The following HYCC1 variants were observed in gnomAD, a reference collection of about 807,000 sequenced individuals.
HYCC1 encodes the protein hyccin PI4KA lipid kinase complex subunit 1.
chr7:22,984,068 A>G, the HYCC1 span: 1 of 1,407,298 alleles, frequency 7.1e-7, no homozygotes, highest in Non-Finnish European at 1.0e-6. Context: ...AAAAAAATAC[A>G]TTTTACTTTT....
the HYCC1 span, chr7:22,938,779 A>G: frequency 1.3e-5 from 2 of 152,090 alleles, no homozygotes; most frequent in African/African-American, 4.8e-5. Context: ...CATATTTTAC[A>G]TTTGTATAAG....
the HYCC1 span, among the ~76,000 whole-genome samples, chr7:22,991,776 A>G: frequency 6.6e-6 from 1 of 152,062 alleles, no homozygotes. Flanking sequence ...AATACAACGT[A>G]TTTTTCTTTA....
the HYCC1 span, among the ~76,000 whole-genome samples, chr7:22,914,396 C>A: frequency 1.3e-5 from 2 of 152,190 alleles, no homozygotes; most frequent in African/African-American, 4.8e-5. Flanking sequence ...CCGTCTATTC[C>A]CCCTTCTTCT....
chr7:23,009,401 T>C, the HYCC1 span, among the ~76,000 whole-genome samples: 65 of 152,312 alleles, frequency 4.3e-4, no homozygotes, highest in Admixed American at 9.2e-4. Context: ...CCTTCCTCTC[T>C]AGAAAAGAAT....
chr7:22,936,730 T>A, the HYCC1 span: 4 of 152,178 alleles, frequency 2.6e-5, no homozygotes, highest in Admixed American at 2.6e-4. Flanking sequence ...ACTGCTCATA[T>A]TTATTCTCGC....
At chr7:22,968,881 G>T in the HYCC1 span, among the ~76,000 whole-genome samples, 2 of 152,092 alleles carry the variant, frequency 1.3e-5, no homozygotes, top group Non-Finnish European at 2.9e-5. Context: ...AGCTACTCAC[G>T]AGGCTGAGGC....
chr7:23,002,013 T>C, the HYCC1 span, among the ~76,000 whole-genome samples: 3 of 151,474 alleles, frequency 2.0e-5, no homozygotes, highest in Admixed American at 1.3e-4. Flanking sequence ...TGTTTTGCTT[T>C]TGTATATGTT....
chr7:22,954,677 T>C, the HYCC1 span, among the ~76,000 whole-genome samples: 1 of 150,054 alleles, frequency 6.7e-6, no homozygotes, highest in Non-Finnish European at 1.5e-5. Context: ...CTGCATATAA[T>C]TAAATATTCT....
At chr7:22,960,428 A>G in the HYCC1 span, 9 of 1,606,530 alleles carry the variant, frequency 5.6e-6, no homozygotes, top group Admixed American at 1.3e-4. Context: ...AAGGAGAAAA[A>G]ATATAGTTTA....
chr7:22,971,313 C>G, the HYCC1 span, among the ~76,000 whole-genome samples: 1 of 148,134 alleles, frequency 6.8e-6, no homozygotes, highest in African/African-American at 2.5e-5. Flanking sequence ...TATAATATTA[C>G]ATATAATATT....
At chr7:22,898,782 T>C in the HYCC1 span, among the ~76,000 whole-genome samples, 1 of 151,798 alleles carries the variant, frequency 6.6e-6, no homozygotes, top group Non-Finnish European at 1.5e-5. Context: ...TTTGTATTTT[T>C]AGTAGAGATG....
At chr7:22,978,021 A>G in the HYCC1 span, 20 of 581,758 alleles carry the variant, frequency 3.4e-5, no homozygotes, top group Middle Eastern at 4.4e-4. Flanking sequence ...ATATTTTCAG[A>G]TATCTCTATA....
the HYCC1 span, among the ~76,000 whole-genome samples, chr7:22,930,298 A>T: frequency 1.3e-3 from 191 of 151,118 alleles, no homozygotes; most frequent in African/African-American, 4.4e-3. Context: ...CATATGTAAC[A>T]AACCTGCACA....
the HYCC1 span, among the ~76,000 whole-genome samples, chr7:22,930,606 C>G: frequency 6.6e-6 from 1 of 151,886 alleles, no homozygotes; most frequent in Non-Finnish European, 1.5e-5. Flanking sequence ...AAGGGGGGAA[C>G]TCATTATTTG....
chr7:22,953,238 A>T, the HYCC1 span, among the ~76,000 whole-genome samples: 2 of 151,892 alleles, frequency 1.3e-5, no homozygotes, highest in Non-Finnish European at 2.9e-5. Context: ...CACAGACCAA[A>T]AACAGGTCAG....
At chr7:22,946,261 G>A in the HYCC1 span, 1 of 914,614 alleles carries the variant, frequency 1.1e-6, no homozygotes, top group Non-Finnish European at 1.7e-6. Context: ...CATAAATTAA[G>A]CTTTAGCATA....
the HYCC1 span, among the ~76,000 whole-genome samples, chr7:22,901,774 C>G: frequency 6.6e-6 from 1 of 151,684 alleles, no homozygotes; most frequent in Non-Finnish European, 1.5e-5. Flanking sequence ...CCTCAAAATA[C>G]ATGAAGAAAA....
At chr7:22,978,428 GT>G in the HYCC1 span, 1 of 1,613,916 alleles carries the variant, frequency 6.2e-7, no homozygotes, top group Non-Finnish European at 8.5e-7. Flanking sequence ...CAAAGAGCTG[GT>G]GACAGACAGG....
chr7:22,956,077 A>G, the HYCC1 span, among the ~76,000 whole-genome samples: 8 of 151,738 alleles, frequency 5.3e-5, no homozygotes, highest in Admixed American at 2.6e-4. Flanking sequence ...TAATCTATTC[A>G]GTCTTCTCTA....
Sources: allele counts gnomAD v4.1 joint callset (sites outside exome capture counted in the v4.1 genomes callset), GRCh38; gene constraint gnomAD v4.1.1; transcripts MANE v1.5; gene names NCBI Gene and HGNC (gene_info 2026-07-23, HGNC 2026-07-21).